Variants in THSD7B observed in about 807,000 individuals in gnomAD.
The protein encoded by THSD7B is thrombospondin type-1 domain-containing protein 7B.
Under a neutral mutation model 213.6 loss-of-function variants are expected in THSD7B, and 138 were observed. The ratio of observed to expected loss-of-function variants is 0.65; its 90% CI spans 0.56 to 0.74. The LOEUF is 0.74. THSD7B is among the 30% of genes least tolerant of loss of function. THSD7B has a pLI of 0.00. For missense variants in THSD7B, 1,931 were observed against 1,991.5 expected (o/e 0.97, Z 0.58); for synonymous variants, 742 against 687.0 (o/e 1.08, Z -1.25).
At chr2:137,570,021 G>C (rs1325263149) in intron 16 of THSD7B, among the ~76,000 whole-genome samples, 1 of 151,106 alleles carries the variant, frequency 6.6e-6, no homozygotes, top group Non-Finnish European at 1.5e-5. Flanking sequence ...TTTTAAGTTT[G>C]TCCAGGAAAG....
chr2:137,533,370 C>G (rs566173624), intron 15 of THSD7B, among the ~76,000 whole-genome samples: 1 of 151,902 alleles, frequency 6.6e-6, no homozygotes, highest in East Asian at 2.0e-4. Context: ...TGAGAGACAA[C>G]TTCTTTATCA....
intron 2 of THSD7B, among the ~76,000 whole-genome samples, chr2:137,031,583 G>A (rs1686668224): frequency 6.6e-6 from 1 of 151,854 alleles, no homozygotes; most frequent in East Asian, 1.9e-4. Flanking sequence ...CTCATAATAG[G>A]AGTTCATTTA....
At chr2:137,305,155 A>T (rs1171132993) in intron 12 of THSD7B, among the ~76,000 whole-genome samples, 1 of 152,144 alleles carries the variant, frequency 6.6e-6, no homozygotes, top group African/African-American at 2.4e-5. Context: ...CTGAAATGAC[A>T]GTTTGATAGA....
chr2:137,051,358 T>C (rs1027931432), intron 2 of THSD7B, among the ~76,000 whole-genome samples: 15 of 152,350 alleles, frequency 9.8e-5, no homozygotes, highest in Admixed American at 5.2e-4. Flanking sequence ...TCACTTTTTC[T>C]CATTGCTTGG....
chr2:136,911,411 T>G (rs1182744714), intron 2 of THSD7B, among the ~76,000 whole-genome samples: 1 of 152,208 alleles, frequency 6.6e-6, no homozygotes, highest in African/African-American at 2.4e-5. Flanking sequence ...TCTGGAGATT[T>G]TATTGATAAA....
chr2:137,655,773 T>A, intron 22 of THSD7B, 113 bp downstream of exon 22: 1 of 1,267,268 alleles, frequency 7.9e-7, no homozygotes, highest in Non-Finnish European at 1.1e-6. Flanking sequence ...TAAATAACTT[T>A]AATTCATTTT....
At chr2:137,443,506 G>T (rs182947754) in intron 14 of THSD7B, among the ~76,000 whole-genome samples, 1 of 151,968 alleles carries the variant, frequency 6.6e-6, no homozygotes, top group African/African-American at 2.4e-5. Flanking sequence ...TTTCCTCATT[G>T]ATAAGAATTA....
At chr2:137,170,408 T>C (rs1237072525) in intron 6 of THSD7B, among the ~76,000 whole-genome samples, 1 of 152,200 alleles carries the variant, frequency 6.6e-6, no homozygotes, top group Non-Finnish European at 1.5e-5. Context: ...GATTAATCTA[T>C]ATTTAGATCA....
chr2:137,541,590 T>C (rs1384761866), intron 15 of THSD7B, among the ~76,000 whole-genome samples: 1 of 151,698 alleles, frequency 6.6e-6, no homozygotes, highest in Admixed American at 6.6e-5. Context: ...TGAAACTATA[T>C]ATTATTGTTA....
intron 12 of THSD7B, among the ~76,000 whole-genome samples, chr2:137,333,321 T>A (rs1339311383): frequency 1.3e-5 from 2 of 152,180 alleles, no homozygotes; most frequent in Non-Finnish European, 2.9e-5. Flanking sequence ...GCCAAAATGA[T>A]CTCTTATGTA....
At chr2:137,458,879 C>T (rs939258075) in intron 15 of THSD7B, among the ~76,000 whole-genome samples, 21 of 152,226 alleles carry the variant, frequency 1.4e-4, no homozygotes, top group Middle Eastern at 3.4e-3. Flanking sequence ...CTTGCACCCA[C>T]GCTTTCCCAT....
intron 1 of THSD7B, among the ~76,000 whole-genome samples, chr2:136,802,508 A>C (rs73957550): frequency 0.14 from 21,172 of 151,296 alleles, 1,722 homozygotes; most frequent in African/African-American, 0.21. Flanking sequence ...GGCCCTCCTG[A>C]GAGGATAACA....
At chr2:136,959,643 A>G (rs553799812) in intron 2 of THSD7B, among the ~76,000 whole-genome samples, 1 of 152,316 alleles carries the variant, frequency 6.6e-6, no homozygotes, top group East Asian at 1.9e-4. Context: ...AATTAAAGCC[A>G]TTATTCCTTC....
At chr2:137,474,624 A>G (rs893553731) in intron 15 of THSD7B, among the ~76,000 whole-genome samples, 1 of 152,214 alleles carries the variant, frequency 6.6e-6, no homozygotes, top group African/African-American at 2.4e-5. Flanking sequence ...TTCTAGGTCT[A>G]TATTTTCATT....
intron 1 of THSD7B, among the ~76,000 whole-genome samples, chr2:136,770,125 T>C (rs1681478693): frequency 6.6e-6 from 1 of 152,244 alleles, no homozygotes; most frequent in South Asian, 2.1e-4. Context: ...AAAATCACAA[T>C]GTTGAGTAAG....
At chr2:137,421,824 C>T (rs1686936075) in intron 14 of THSD7B, among the ~76,000 whole-genome samples, 1 of 152,150 alleles carries the variant, frequency 6.6e-6, no homozygotes, top group African/African-American at 2.4e-5. Flanking sequence ...AACATTGTAA[C>T]AAAAGATTGT....
At chr2:136,774,320 A>C (rs187835995) in intron 1 of THSD7B, among the ~76,000 whole-genome samples, 101 of 152,142 alleles carry the variant, frequency 6.6e-4, no homozygotes, top group African/African-American at 2.4e-3. Context: ...GCAGCCCACC[A>C]AGGTGATATT....
At chr2:137,439,751 G>A (rs1243418138) in intron 14 of THSD7B, among the ~76,000 whole-genome samples, 2 of 152,006 alleles carry the variant, frequency 1.3e-5, no homozygotes, top group African/African-American at 4.8e-5. Flanking sequence ...TCCGTGAAAG[G>A]TACAGTTTTT....
At chr2:137,324,717 A>C (rs1306115661) in intron 12 of THSD7B, among the ~76,000 whole-genome samples, 1 of 152,332 alleles carries the variant, frequency 6.6e-6, no homozygotes, top group East Asian at 1.9e-4. Flanking sequence ...AAAGTTTAAA[A>C]AATTGTTTTG....
Sources: allele counts gnomAD v4.1 joint callset (sites outside exome capture counted in the v4.1 genomes callset), GRCh38; gene constraint gnomAD v4.1.1; transcripts MANE v1.5; gene names NCBI Gene and HGNC (gene_info 2026-07-23, HGNC 2026-07-21).